Variants in ODF2L observed in about 807,000 individuals in gnomAD.
ODF2L encodes the protein outer dense fiber of sperm tails 2 like.
In ODF2L, 76 loss-of-function variants were observed where a neutral mutation model predicts 86.3. The ratio of observed to expected loss-of-function variants is 0.88; its 90% confidence interval spans 0.73 to 1.07. The LOEUF is 1.07. Among genes scored for constraint, ODF2L ranks in the 50% least tolerant of loss-of-function variants. ODF2L has a pLI of 0.00. For missense variants in ODF2L, 748 were observed against 717.4 expected (o/e 1.04, Z -0.49); for synonymous variants, 241 against 231.3 (o/e 1.04, Z -0.38).
At chr1:86,354,400 G>A in intron 16 of ODF2L, 130 bp downstream of exon 15, 1 of 599,578 alleles carries the variant, frequency 1.7e-6, no homozygotes, top group Non-Finnish European at 2.9e-6. Context: ...GATAGTTAAA[G>A]AAGAAAAATG....
At chr1:86,378,526 C>T (rs1351106010) in intron 7 of ODF2L, among the ~76,000 whole-genome samples, 1 of 152,164 alleles carries the variant, frequency 6.6e-6, no homozygotes, top group Admixed American at 6.6e-5. Context: ...TAAAGAAATA[C>T]CTGAGACTGG....
intron 7 of ODF2L, among the ~76,000 whole-genome samples, chr1:86,380,037 T>C (rs551795252): frequency 1.3e-5 from 2 of 152,340 alleles, no homozygotes; most frequent in East Asian, 3.9e-4. Flanking sequence ...TATTAAAGAC[T>C]TATGATTTTA....
intron 1 of ODF2L, among the ~76,000 whole-genome samples, chr1:86,389,044 T>C (rs1661139097): frequency 6.6e-6 from 1 of 152,168 alleles, no homozygotes; most frequent in African/African-American, 2.4e-5. Context: ...TCCACTGCTT[T>C]TGTGTTGTGA....
intron 7 of ODF2L, among the ~76,000 whole-genome samples, 183 bp from the exon 8 acceptor site, chr1:86,376,601 C>A (rs981214115): frequency 1.3e-5 from 2 of 152,098 alleles, no homozygotes; most frequent in Non-Finnish European, 2.9e-5. Context: ...CAGTTCCACA[C>A]GGCTGGGAAG....
At chr1:86,355,284 T>TAAATA in intron 14 of ODF2L, 1 of 1,093,106 alleles carries the variant, frequency 9.1e-7, no homozygotes, top group Non-Finnish European at 1.3e-6. Flanking sequence ...GTCGAAACTG[T>TAAATA]AAATAAAATA....
intron 11 of ODF2L, among the ~76,000 whole-genome samples, chr1:86,364,437 G>A (rs1034335970): frequency 6.6e-6 from 1 of 152,130 alleles, no homozygotes; most frequent in Admixed American, 6.5e-5. Flanking sequence ...GAGAAAAATG[G>A]CATTCCAATG....
chr1:86,372,346 A>G (rs1191361783), intron 9 of ODF2L, 85 bp downstream of exon 9: 2 of 610,918 alleles, frequency 3.3e-6, no homozygotes, highest in East Asian at 6.7e-5. Flanking sequence ...TAATCTAAAA[A>G]AAATCAAAAT....
intron 8 of ODF2L, among the ~76,000 whole-genome samples, chr1:86,372,771 A>C (rs2101049671): frequency 1.3e-5 from 2 of 152,338 alleles, no homozygotes; most frequent in Middle Eastern, 6.8e-3. Flanking sequence ...AATATGGTAT[A>C]TATCCATCAT....
chr1:86,352,219 C>A (rs1261343555), intron 17 of ODF2L: 1 of 1,499,452 alleles, frequency 6.7e-7, no homozygotes, highest in Non-Finnish European at 8.9e-7. Flanking sequence ...CTGGAAAAAA[C>A]ACAGTATCAT....
chr1:86,376,416 G>C (rs1299500684), exon 8 of ODF2L: 4 of 1,565,582 alleles, frequency 2.6e-6, no homozygotes, highest in Non-Finnish European at 3.4e-6. Flanking sequence ...TGGTTTCTAA[G>C]CTCTAAAAAA....
intron 1 of ODF2L, among the ~76,000 whole-genome samples, chr1:86,391,987 T>C (rs1459652403): frequency 6.6e-6 from 1 of 151,582 alleles, no homozygotes; most frequent in Non-Finnish European, 1.5e-5. Flanking sequence ...GACAATGAAC[T>C]CAAATTAGCA....
intron 13 of ODF2L, among the ~76,000 whole-genome samples, chr1:86,357,259 C>CA (rs1658647957): frequency 1.3e-5 from 2 of 151,414 alleles, no homozygotes; most frequent in African/African-American, 4.9e-5. Flanking sequence ...CTGCTAATTA[C>CA]AAAAAATAGC....
downstream of ODF2L, chr1:86,349,495 G>T (rs939763944): frequency 2.0e-5 from 3 of 152,096 alleles, no homozygotes; most frequent in African/African-American, 7.2e-5. Context: ...AGATAGAAAA[G>T]AGAGAACTTT....
chr1:86,352,187 G>T (rs1487508512), exon 18 of ODF2L: 3 of 1,517,842 alleles, frequency 2.0e-6, no homozygotes, highest in Non-Finnish European at 2.6e-6. Flanking sequence ...TAAAAAAATA[G>T]ATTTCATGGA....
At chr1:86,365,513 G>A (rs554673223) in intron 11 of ODF2L, among the ~76,000 whole-genome samples, 2 of 152,186 alleles carry the variant, frequency 1.3e-5, no homozygotes, top group African/African-American at 4.8e-5. Flanking sequence ...AAAACAGAAT[G>A]AAAAATGGGA....
rs370849452 is a variant in ODF2L, at chr1:86,356,612, G to C, written c.1360-10C>G. On this transcript the variant is annotated splice_polypyrimidine_tract_variant and intron_variant, in intron 13 of 17. Coordinates refer to ENST00000317336, the Ensembl canonical transcript of ODF2L. ...CCATCTGGCCTCTCATCTGAGTTGT[G>C]GCAGTAGGGAAATAAGTGCAAGATC... The C allele has an allele frequency of 6.2e-7, 1 of 1,608,088 alleles. No homozygotes were observed. The highest frequency in any genetic ancestry group is 1.3e-5 in the African/African-American group (1 of 74,762).
intron 13 of ODF2L, chr1:86,357,650 G>A (rs1451561768): frequency 8.1e-5 from 33 of 408,008 alleles, no homozygotes; most frequent in Non-Finnish European, 9.8e-5. Context: ...GGACACTGAG[G>A]GATCCAGAAC....
intron 8 of ODF2L, 26 bp from the exon 9 acceptor site, chr1:86,372,566 A>C (rs771033609): frequency 1.7e-5 from 20 of 1,208,232 alleles, no homozygotes; most frequent in Middle Eastern, 2.6e-4. Flanking sequence ...AAGTATTCAT[A>C]CTATAATTTT....
intron 11 of ODF2L, among the ~76,000 whole-genome samples, chr1:86,366,097 G>A (rs1312236747): frequency 6.6e-6 from 1 of 152,122 alleles, no homozygotes; most frequent in Non-Finnish European, 1.5e-5. Context: ...GAAAAGTGAA[G>A]TGAAACCAAT....
Sources: gnomAD v4.1 joint callset for allele counts (sites outside exome capture counted in the v4.1 genomes callset) on GRCh38, gnomAD v4.1.1 for gene constraint, MANE v1.5 for transcripts, NCBI Gene and HGNC (gene_info 2026-07-23, HGNC 2026-07-21) for gene names.